Variants in ZFAND3 observed in about 807,000 individuals in gnomAD.
ZFAND3 encodes AN1-type zinc finger protein 3.
A neutral mutation model predicts 29.6 loss-of-function variants in ZFAND3; 10 were observed. The ratio of observed to expected loss-of-function variants is 0.34; its 90% CI spans 0.21 to 0.57. ZFAND3 has a LOEUF of 0.57. Ranked by LOEUF, ZFAND3 falls within the 20% of genes least tolerant of loss-of-function variation. The probability of loss-of-function intolerance (pLI) is 0.86; values close to 1 mark genes in which losing one functional copy is unlikely to be tolerated. For missense variants in ZFAND3, 230 were observed against 304.5 expected (o/e 0.76, Z 1.82); for synonymous variants, 128 against 112.6 (o/e 1.14, Z -0.87).
intron 1 of ZFAND3, among the ~76,000 whole-genome samples, chr6:37,849,726 A>T (rs1764249244): frequency 6.6e-6 from 1 of 152,042 alleles, no homozygotes; most frequent in African/African-American, 2.4e-5. Context: ...TTTGTTTAAA[A>T]CTTCACTCCT....
chr6:38,052,284 C>G (rs1425618867), intron 2 of ZFAND3, among the ~76,000 whole-genome samples: 1 of 152,112 alleles, frequency 6.6e-6, no homozygotes, highest in South Asian at 2.1e-4. Context: ...CTGTTAGGAC[C>G]AGTTATCCAT....
At chr6:37,963,834 ACT>A (rs1444286589) in intron 2 of ZFAND3, among the ~76,000 whole-genome samples, 1 of 152,014 alleles carries the variant, frequency 6.6e-6, no homozygotes, top group African/African-American at 2.4e-5. Context: ...TGGATATAGT[ACT>A]CTCTCATACA....
chr6:37,831,314 T>G (rs569093099), intron 1 of ZFAND3, among the ~76,000 whole-genome samples: 5 of 152,198 alleles, frequency 3.3e-5, no homozygotes, highest in Non-Finnish European at 7.3e-5. Context: ...AAATTTGCAT[T>G]TATAGTGATC....
Position 38,152,321 on chromosome 6 carries a change from A to G in ZFAND3, c.616A>G (p.Met206Val), listed in dbSNP as rs1191995679. The change falls in exon 6 of 6, where the codon ATG becomes GTG. Residue 206 changes from methionine (M) to valine (V), a missense_variant. Met to Val is a conservative substitution (Grantham distance 21). Around this residue, in one of 2 missense-constraint regions of ZFAND3, gnomAD observed 50 missense variants for 102.0 expected, o/e 0.49. Transcript: ENST00000287218. ...GGGCCGTGGCCGGGAGGAAGCCATCATGAAAATGGTGAAGCTGGACCGGAA... is the reference window on the plus strand; with the variant it reads ...GGGCCGTGGCCGGGAGGAAGCCATCGTGAAAATGGTGAAGCTGGACCGGAA... ...HMGRGREEAI[M>V]KMVKLDRKVG... The G allele has an allele frequency of 1.9e-6, 3 of 1,610,728 alleles. No individual in the cohort carries two copies. The highest frequency in any genetic ancestry group is 2.5e-6 in the Non-Finnish European group (3 of 1,178,686).
At chr6:38,002,174 T>C (rs969049203) in intron 2 of ZFAND3, among the ~76,000 whole-genome samples, 4 of 152,210 alleles carry the variant, frequency 2.6e-5, no homozygotes, top group African/African-American at 9.6e-5. Context: ...TAAACTAGGC[T>C]TAGTTCAACA....
chr6:37,840,110 T>G (rs1015913863), intron 1 of ZFAND3, among the ~76,000 whole-genome samples: 1 of 152,166 alleles, frequency 6.6e-6, no homozygotes, highest in Non-Finnish European at 1.5e-5. Flanking sequence ...TCTATTTTTT[T>G]TTTTGAGATG....
intron 2 of ZFAND3, among the ~76,000 whole-genome samples, chr6:37,958,069 A>G (rs1055565505): frequency 6.6e-6 from 1 of 152,130 alleles, no homozygotes; most frequent in Non-Finnish European, 1.5e-5. Flanking sequence ...ACAGACAATT[A>G]GTCATAAAAT....
chr6:38,072,657 CAT>C (rs960521139), intron 3 of ZFAND3, among the ~76,000 whole-genome samples: 2 of 151,790 alleles, frequency 1.3e-5, no homozygotes, highest in Admixed American at 6.6e-5. Context: ...GAAAAAAAAA[CAT>C]AATGGCATTT....
intron 2 of ZFAND3, among the ~76,000 whole-genome samples, chr6:38,011,188 C>T (rs1763146253): frequency 1.3e-5 from 2 of 151,948 alleles, no homozygotes; most frequent in African/African-American, 4.8e-5. Flanking sequence ...ATAAATTTAC[C>T]ACAGTTTGTT....
Position 38,153,805 on chromosome 6 carries a change from G to A in ZFAND3, c.*1416G>A, listed in dbSNP as rs557866978. ...GAGCAGTCCCAGTGGTCCTAGTGCC[G>A]CATCAGATCCAGGTGGGTGAGGGCA... is the stretch of plus-strand genomic sequence containing the variant. On this transcript the variant is annotated 3_prime_UTR_variant, in exon 6 of 6. Transcript: ENST00000287218. 5.1e-6 allele frequency: 5 copies of A among 985,532 alleles called. No homozygotes were observed. The African/African-American group carries it at 5.2e-5, about 10-fold the overall frequency. The allele number at this position is 985,532 out of a possible 1,614,324, so 61.0% of individuals were successfully genotyped here.
chr6:38,039,600 CTAGT>C (rs1193566899), intron 2 of ZFAND3, among the ~76,000 whole-genome samples: 1 of 152,004 alleles, frequency 6.6e-6, no homozygotes, highest in Non-Finnish European at 1.5e-5. Context: ...TGAGGAAAAG[CTAGT>C]TATAGTGTAA....
intron 5 of ZFAND3, among the ~76,000 whole-genome samples, chr6:38,134,013 G>A (rs545984111): frequency 6.0e-4 from 92 of 152,250 alleles, no homozygotes; most frequent in Non-Finnish European, 1.3e-3. Flanking sequence ...CCCCGTTTCA[G>A]AGATGCTTTT....
intron 2 of ZFAND3, among the ~76,000 whole-genome samples, chr6:38,016,215 A>T (rs949509117): frequency 6.6e-6 from 1 of 152,214 alleles, no homozygotes; most frequent in African/African-American, 2.4e-5. Context: ...ATGAAGTAAC[A>T]ATCAAACTTA....
intron 3 of ZFAND3, among the ~76,000 whole-genome samples, chr6:38,081,932 G>C (rs1369652912): frequency 6.6e-6 from 1 of 151,810 alleles, no homozygotes; most frequent in Non-Finnish European, 1.5e-5. Flanking sequence ...GTTTCTTAAG[G>C]CCCCCTCCCC....
chr6:38,131,952 T>C (rs1349447264), intron 5 of ZFAND3, among the ~76,000 whole-genome samples: 1 of 152,208 alleles, frequency 6.6e-6, no homozygotes, highest in Non-Finnish European at 1.5e-5. Flanking sequence ...CCAGGGTACA[T>C]GTGCAGCCTC....
rs189832375 is a variant in ZFAND3, at chr6:37,871,260, A to C, written c.71+51244A>C. Among the ~76,000 whole-genome samples, 3 of 152,150 alleles carry C rather than the reference A, an allele frequency of 2.0e-5. No homozygotes were observed. The East Asian group carries it at 5.8e-4, about 29-fold the overall frequency. On this transcript the variant is annotated intron_variant, in intron 1 of 5. Coordinates refer to ENST00000287218, the MANE Select transcript of ZFAND3 (RefSeq NM_021943.3). ...GTCATCTTTATTTTGTATCCAGTGA[A>C]TGTTCTTATTTTGGTTATTGTAATT... is the stretch of plus-strand genomic sequence containing the variant.
intron 3 of ZFAND3, among the ~76,000 whole-genome samples, chr6:38,063,740 T>G (rs1232455040): frequency 6.6e-6 from 1 of 152,124 alleles, no homozygotes; most frequent in Non-Finnish European, 1.5e-5. Flanking sequence ...GGCCAAGACA[T>G]AGAGGCTAAA....
intron 1 of ZFAND3, among the ~76,000 whole-genome samples, chr6:37,855,314 CTTTTTTTT>C (rs970061636): frequency 7.4e-6 from 1 of 134,400 alleles, no homozygotes; most frequent in South Asian, 2.5e-4. Context: ...CTGGCTAACT[CTTTTTTTT>C]TTTTTTTTAA....
rs70981504 is a variant in ZFAND3, at chr6:37,908,542, T to TAA, written c.72-21401_72-21400dup. On this transcript the variant is annotated intron_variant, in intron 1 of 5. Transcript: ENST00000287218. Reference sequence around the variant, plus strand: ...TTAAAGTATAATTAAAAAAAAAAATTAAAAAAAAAAAAAAAAAGAAAAAAA... The same window carrying TAA: ...TTAAAGTATAATTAAAAAAAAAAATTAAAAAAAAAAAAAAAAAAAGAAAAAAA... 8.2e-4 allele frequency among the ~76,000 whole-genome samples: 102 copies of TAA among 124,138 alleles called. 2 individuals are homozygous for TAA. Among genetic ancestry groups the TAA allele is most frequent in the South Asian group, 2.7e-3 (10 of 3,658 alleles). 81.4% of individuals were successfully genotyped at this position (124,138 alleles called of 152,430 possible). A position where few individuals can be genotyped will look rare whatever the true frequency, so the allele number is the denominator to read the frequency against.
Sources: gnomAD v4.1 joint callset for allele counts (sites outside exome capture counted in the v4.1 genomes callset) on GRCh38, gnomAD v4.1.1 for gene constraint, gnomAD v4.1.1 regional missense constraint, MANE v1.5 for transcripts, NCBI Gene and HGNC (gene_info 2026-07-23, HGNC 2026-07-21) for gene names.